Variants in SNTG2 observed in about 807,000 individuals in gnomAD.
SNTG2 encodes syntrophin gamma 2, also known as gamma-2-syntrophin.
SNTG2 carries 74 observed loss-of-function variants against 70.9 expected under a neutral mutation model. The observed-to-expected ratio is 1.04, with a 90% CI of 0.86 to 1.27. SNTG2 has a LOEUF of 1.27. Among genes scored for constraint, SNTG2 ranks in the 50% most tolerant of loss-of-function variants. SNTG2 has a pLI of 0.00. For synonymous variants in SNTG2, 278 were observed against 273.8 expected (o/e 1.02, Z -0.15); for missense variants, 717 against 690.7 (o/e 1.04, Z -0.43).
At chr2:1,292,278 A>G (rs1260843726) in intron 14 of SNTG2, among the ~76,000 whole-genome samples, 1 of 152,114 alleles carries the variant, frequency 6.6e-6, no homozygotes, top group Non-Finnish European at 1.5e-5. Flanking sequence ...TCTATATGTA[A>G]GAAAGTGTTG....
At chr2:1,324,872 C>A (rs913314954) in intron 16 of SNTG2, among the ~76,000 whole-genome samples, 5 of 152,204 alleles carry the variant, frequency 3.3e-5, no homozygotes, top group South Asian at 2.1e-4. Flanking sequence ...GGCTGGGAAG[C>A]CAAGCCAAGT....
chr2:1,289,050 A>T (rs1470709811), intron 14 of SNTG2, among the ~76,000 whole-genome samples: 1 of 151,058 alleles, frequency 6.6e-6, no homozygotes, highest in East Asian at 2.0e-4. Context: ...TCATTTTCTG[A>T]TTTTCTCACG....
intron 9 of SNTG2, among the ~76,000 whole-genome samples, chr2:1,225,003 G>A (rs147205263): frequency 3.9e-5 from 6 of 152,216 alleles, no homozygotes; most frequent in Non-Finnish European, 7.3e-5. Context: ...GGCCATTCAC[G>A]TGGCTTTAAT....
At chr2:1,131,930 G>A (rs28439899) in intron 4 of SNTG2, among the ~76,000 whole-genome samples, 99,277 of 151,930 alleles carry the variant, frequency 0.65, 32,532 homozygotes, top group Admixed American at 0.72. Flanking sequence ...GATTATAGGC[G>A]TGAGCCACCG....
chr2:1,319,248 A>G (rs1036065853), intron 16 of SNTG2, among the ~76,000 whole-genome samples: 10 of 152,206 alleles, frequency 6.6e-5, no homozygotes, highest in Admixed American at 6.5e-4. Flanking sequence ...ATCTATTTCC[A>G]TCGTGGGTTG....
At chr2:1,126,586 T>C (rs1264789517) in intron 4 of SNTG2, among the ~76,000 whole-genome samples, 1 of 152,198 alleles carries the variant, frequency 6.6e-6, no homozygotes, top group Non-Finnish European at 1.5e-5. Flanking sequence ...CCAGTTTACA[T>C]TACCACCAGC....
chr2:1,148,548 C>G (rs1320022834), intron 6 of SNTG2, among the ~76,000 whole-genome samples: 1 of 152,182 alleles, frequency 6.6e-6, no homozygotes, highest in Non-Finnish European at 1.5e-5. Flanking sequence ...GCTGAAGATG[C>G]CAGCTTGCTA....
At chr2:1,077,528 T>C (rs1663999448) in intron 1 of SNTG2, among the ~76,000 whole-genome samples, 2 of 152,236 alleles carry the variant, frequency 1.3e-5, no homozygotes, top group South Asian at 2.1e-4. Flanking sequence ...TGTTTCCTCA[T>C]GTGAGGCTCC....
chr2:1,180,755 A>G lies in SNTG2; in HGVS notation c.591+7572A>G, dbSNP rs549707359. 9.0e-3 allele frequency among the ~76,000 whole-genome samples: 1,364 copies of G among 151,880 alleles called. 26 individuals carry two copies. The highest frequency in any genetic ancestry group is 0.031 in the African/African-American group (1,289 of 41,340). ...AGGATTATAAATCATGCTGCTATAA[A>G]GACACATGCACACGTATGTTTATTG... On this transcript the variant is annotated intron_variant, in intron 8 of 16. Coordinates refer to ENST00000308624, the MANE Select transcript of SNTG2 (RefSeq NM_018968.4).
chr2:1,044,505 A>T (rs916267236), intron 1 of SNTG2, among the ~76,000 whole-genome samples: 1 of 152,140 alleles, frequency 6.6e-6, no homozygotes, highest in East Asian at 1.9e-4. Context: ...TTGCTCATTC[A>T]GTGTGTTGTT....
intron 1 of SNTG2, among the ~76,000 whole-genome samples, chr2:1,074,467 A>C (rs1466923678): frequency 6.6e-6 from 1 of 152,244 alleles, no homozygotes; most frequent in Non-Finnish European, 1.5e-5. Flanking sequence ...AAACAGGTAG[A>C]ATAAACAGTG....
rs548988904 is a variant in SNTG2 at position 1,106,008 on chromosome 2, T to A, written c.325+7598T>A. On this transcript the variant is annotated intron_variant, in intron 4 of 16. Coordinates refer to ENST00000308624, the MANE Select transcript of SNTG2 (RefSeq NM_018968.4). ...TGGGGTGCAGGGTATGGAGAGCTCC[T>A]TGGTAATAATGGACACGTGCTGTCA... is the stretch of plus-strand genomic sequence containing the variant. Among the ~76,000 whole-genome samples, 131 of 151,936 alleles carry A rather than the reference T, an allele frequency of 8.6e-4. 3 individuals are homozygous for A. The South Asian group carries it at 0.017, about 19-fold the overall frequency.
chr2:1,127,965 G>GCT (rs2148304945), intron 4 of SNTG2, among the ~76,000 whole-genome samples: 1 of 152,266 alleles, frequency 6.6e-6, no homozygotes, highest in African/African-American at 2.4e-5. Context: ...TTGCCTGAGT[G>GCT]CTCTAGCTAG....
At chr2:1,157,278 GCTCTACC>G (rs1669962698) in intron 6 of SNTG2, among the ~76,000 whole-genome samples, 1 of 152,286 alleles carries the variant, frequency 6.6e-6, no homozygotes, top group African/African-American at 2.4e-5. Context: ...TCCTGCCCTG[GCTCTACC>G]CCTGACCCCT....
At chr2:1,190,648 A>G (rs181006875) in intron 8 of SNTG2, among the ~76,000 whole-genome samples, 30 of 151,214 alleles carry the variant, frequency 2.0e-4, no homozygotes, top group Admixed American at 1.6e-3. Flanking sequence ...ACAATAAAGG[A>G]CAGCAAAATA....
chr2:1,240,289 G>A (rs760199370), intron 11 of SNTG2, among the ~76,000 whole-genome samples: 9 of 152,134 alleles, frequency 5.9e-5, no homozygotes, highest in Admixed American at 1.3e-4. Flanking sequence ...AGCCCTTAAC[G>A]TTGTCCTGGA....
At chr2:1,359,751 T>C (rs1418605976) in intron 16 of SNTG2, among the ~76,000 whole-genome samples, 1 of 152,202 alleles carries the variant, frequency 6.6e-6, no homozygotes, top group East Asian at 1.9e-4. Flanking sequence ...TATCCTTAAA[T>C]TGCGAATTTC....
At chr2:1,089,830 A>G (rs1664907222) in intron 2 of SNTG2, among the ~76,000 whole-genome samples, 1 of 152,214 alleles carries the variant, frequency 6.6e-6, no homozygotes, top group Admixed American at 6.5e-5. Context: ...ACCTAAAAAA[A>G]TTGAAGTGAG....
Position 1,259,237 on chromosome 2 carries a change from T to TA in SNTG2, c.1006-132dup, listed in dbSNP as rs1678286060. ...CACAGCAGTACGTAAAGTTTAATGT[T>TA]ACCAATTTATACTAATGGGGCTTAG... On this transcript the variant is annotated intron_variant, in intron 12 of 16. Coordinates refer to ENST00000308624, the MANE Select transcript of SNTG2 (RefSeq NM_018968.4). The TA allele has an allele frequency of 5.5e-6, 4 of 721,352 alleles. No individual in the cohort carries two copies. The East Asian group carries it at 8.0e-5, about 14-fold the overall frequency. The allele number at this position is 721,352 out of a possible 1,614,324, so 44.7% of individuals were successfully genotyped here.
Sources: allele counts gnomAD v4.1 joint callset (sites outside exome capture counted in the v4.1 genomes callset), GRCh38; gene constraint gnomAD v4.1.1; transcripts MANE v1.5; gene names NCBI Gene and HGNC (gene_info 2026-07-23, HGNC 2026-07-21).